Variants in ITSN2 observed in about 807,000 individuals in gnomAD.
The protein encoded by ITSN2 is intersectin-2.
ITSN2 carries 156 observed loss-of-function variants against 243.7 expected under a neutral mutation model. The ratio of observed to expected loss-of-function variants is 0.64; its 90% confidence interval spans 0.56 to 0.73. The LOEUF is 0.73. Among genes scored for constraint, ITSN2 ranks in the 30% least tolerant of loss-of-function variants. ITSN2 has a pLI of 0.00. For missense variants in ITSN2, 1,801 were observed against 1,996.1 expected (o/e 0.90, Z 1.86); for synonymous variants, 703 against 699.9 (o/e 1.00, Z -0.07).
At chr2:24,261,975 T>G (rs1558511473) in intron 20 of ITSN2, among the ~76,000 whole-genome samples, 1 of 202 alleles carries the variant, frequency 5.0e-3, no homozygotes, top group African/African-American at 0.017. Flanking sequence ...CAAATAGCAT[T>G]CATTATATAT....
rs1405724704 is a variant in ITSN2 at position 24,275,852 on chromosome 2, A to C, written c.1945-3T>G. 1 of 1,586,120 alleles carries C rather than the reference A, an allele frequency of 6.3e-7. No homozygotes were observed. The highest frequency in any genetic ancestry group is 1.7e-4 in the Middle Eastern group (1 of 5,972). On this transcript the variant is annotated splice_polypyrimidine_tract_variant and splice_region_variant and intron_variant, in intron 17 of 39. Transcript: ENST00000355123. ...GTGTTGTAGGTTTCTCTCAGTTCCT[A>C]AGGAGAAAAAGAAAATAAGTCAATA...
At chr2:24,337,479 T>C (rs1336256508) in intron 1 of ITSN2, among the ~76,000 whole-genome samples, 1 of 148,642 alleles carries the variant, frequency 6.7e-6, no homozygotes, top group Admixed American at 6.7e-5. Flanking sequence ...GCCTCCCAAG[T>C]AGCTGGGATT....
At chr2:24,254,309 GTAGT>G in intron 24 of ITSN2, 54 bp downstream of exon 24, 1 of 1,068,688 alleles carries the variant, frequency 9.4e-7, no homozygotes, top group African/African-American at 1.5e-5. Flanking sequence ...GTGAAGTCAG[GTAGT>G]TAGTCAAGAG....
At chr2:24,254,499 G>A in intron 23 of ITSN2, 68 bp from the exon 24 acceptor site, 3 of 1,279,862 alleles carry the variant, frequency 2.3e-6, no homozygotes, top group Non-Finnish European at 1.1e-6. Context: ...AAGGTGATTT[G>A]ATGCACAGCA....
intron 29 of ITSN2, among the ~76,000 whole-genome samples, chr2:24,226,898 G>A (rs1353385015): frequency 6.6e-6 from 1 of 152,142 alleles, no homozygotes; most frequent in Non-Finnish European, 1.5e-5. Flanking sequence ...AGCCTCCTCT[G>A]TTATTTTACT....
At chr2:24,339,850 G>A (rs764794821) in intron 1 of ITSN2, among the ~76,000 whole-genome samples, 9 of 152,024 alleles carry the variant, frequency 5.9e-5, no homozygotes, top group Non-Finnish European at 1.3e-4. Context: ...AACACAGGGA[G>A]ACTCTTTCTC....
rs1052648399 is a variant in ITSN2 at position 24,211,529 on chromosome 2, C to T, written c.4090-582G>A. On this transcript the variant is annotated intron_variant, in intron 33 of 39. Transcript: ENST00000355123. This position sits in a 1 kb window ranked among gnomAD's most constrained non-coding sequence, Gnocchi z 4.1. ...GAACGCGCAGAGGCCAGAATACAAA[C>T]GTGTGTGGTCCCTCCAGAAATTAGG... Among the ~76,000 whole-genome samples, 6 of 152,218 alleles carry T rather than the reference C, an allele frequency of 3.9e-5. No individual in the cohort carries two copies. Among genetic ancestry groups the T allele is most frequent in the Admixed American group, 2.6e-4 (4 of 15,284 alleles).
In ITSN2 at chr2:24,248,674, T is replaced by C; in HGVS notation, c.3243A>G (p.Leu1081=). Residue 1081 remains leucine, a synonymous_variant, in exon 27 of 40, where the codon TTA becomes TTG. Transcript: ENST00000355123. ...QLSLAPGQLI[L]ILKKNTSGWW... ...ACCCACTTGTATTTTTCTTTAGAAT[T>C]AATATTAACTGTCCTGGTGCAAGGC... 6.2e-7 allele frequency: 1 copy of C among 1,611,618 alleles called. No individual in the cohort carries two copies. The highest frequency in any genetic ancestry group is 1.3e-5 in the African/African-American group (1 of 74,972).
chr2:24,332,357 G>GA (rs372654408), intron 1 of ITSN2, among the ~76,000 whole-genome samples: 22 of 143,004 alleles, frequency 1.5e-4, no homozygotes, highest in South Asian at 2.2e-4. Flanking sequence ...TTTGGCTTGG[G>GA]AAAAAAAAAA....
rs1311118726 is a variant in ITSN2, at chr2:24,249,935, T to TA, written c.3121-1054dup. Among the ~76,000 whole-genome samples, 1 of 152,198 alleles carries TA rather than the reference T, an allele frequency of 6.6e-6. No homozygotes were observed. Among genetic ancestry groups the TA allele is most frequent in the Non-Finnish European group, 1.5e-5 (1 of 68,028 alleles). On this transcript the variant is annotated intron_variant, in intron 25 of 39. Transcript: ENST00000355123. The surrounding 1 kb of genome is among the most constrained non-coding windows in gnomAD (Gnocchi z 4.4). ...CTGTGTTGACATTTACAGTGGTGGG[T>TA]AAAATCATTGGTGCTTTAGTGTGAA...
chr2:24,303,867 T>C lies in ITSN2; in HGVS notation c.794-5A>G. ...GGGCATTTCTAGCTTGAAAACCTGA[T>C]TAAGTGGGGAAAATCATAAAGGAAT... is the stretch of plus-strand genomic sequence containing the variant. On this transcript the variant is annotated splice_polypyrimidine_tract_variant and splice_region_variant and intron_variant, in intron 8 of 39. Transcript: ENST00000355123. 6.3e-7 allele frequency: 1 copy of C among 1,587,982 alleles called. No homozygotes were observed. Among genetic ancestry groups the C allele is most frequent in the Non-Finnish European group, 8.6e-7 (1 of 1,156,216 alleles).
intron 1 of ITSN2, among the ~76,000 whole-genome samples, chr2:24,346,813 A>T (rs762473877): frequency 2.6e-5 from 4 of 151,784 alleles, no homozygotes; most frequent in African/African-American, 4.8e-5. Context: ...AATTTTGACC[A>T]CATTCATTAA....
intron 37 of ITSN2, 80 bp from the exon 38 acceptor site, chr2:24,205,377 C>G: frequency 8.3e-7 from 1 of 1,199,826 alleles, no homozygotes; most frequent in Non-Finnish European, 1.2e-6. Context: ...CATAACACTA[C>G]CGGCTCCCTG....
intron 15 of ITSN2, among the ~76,000 whole-genome samples, chr2:24,292,336 C>T (rs1237777173): frequency 6.6e-5 from 10 of 152,178 alleles, no homozygotes; most frequent in African/African-American, 2.4e-4. Context: ...ACAATGATGA[C>T]AATAATAAAG....
At chr2:24,206,658 G>A (rs1003176657) in intron 37 of ITSN2, among the ~76,000 whole-genome samples, 8 of 152,278 alleles carry the variant, frequency 5.3e-5, no homozygotes, top group South Asian at 2.1e-4. Flanking sequence ...GGACATCACC[G>A]GTGCAACAAA....
intron 24 of ITSN2, among the ~76,000 whole-genome samples, chr2:24,253,612 G>A (rs186328487): frequency 3.3e-5 from 5 of 152,260 alleles, no homozygotes; most frequent in Non-Finnish European, 5.9e-5. Context: ...GGTTTTGTTC[G>A]CTCATTAAAG....
Position 24,331,943 on chromosome 2 carries a change from G to C in ITSN2, c.-33-3828C>G, listed in dbSNP as rs555424971. On this transcript the variant is annotated intron_variant, in intron 1 of 39. Transcript: ENST00000355123. ...GGGTTTTAGAGTGGCTTTCAAGAAG[G>C]GAGTTTGAAAGTTGTTGTGGCCAGG... Among the ~76,000 whole-genome samples, 6 of 152,264 alleles carry C rather than the reference G, an allele frequency of 3.9e-5. No individual in the cohort carries two copies. The East Asian group carries it at 1.2e-3, about 29-fold the overall frequency.
In ITSN2 at chr2:24,264,636, GAA is replaced by G. The variant is rs1241818773; in HGVS notation, c.2356-2896_2356-2895del. Among the ~76,000 whole-genome samples the G allele has an allele frequency of 5.0e-3, 18 of 3,626 alleles. No homozygotes were observed. The East Asian group carries it at 0.25, about 50-fold the overall frequency. The allele number at this position is 3,626 out of a possible 152,430, so 2.4% of individuals were successfully genotyped here. On this transcript the variant is annotated intron_variant, in intron 20 of 39. Transcript: ENST00000355123. ...ATCCATTGTTCCAATACCATTTGCT[GAA>G]AAGACTGTTCTTTTTCCACTGAGTT...
At chr2:24,315,306 G>A in intron 2 of ITSN2, 82 bp from the exon 3 acceptor site, 1 of 765,678 alleles carries the variant, frequency 1.3e-6, no homozygotes, top group South Asian at 1.7e-5. Context: ...GAAATCACAA[G>A]TGTTCATTGT....
Sources: allele counts gnomAD v4.1 joint callset (sites outside exome capture counted in the v4.1 genomes callset), GRCh38; gene constraint gnomAD v4.1.1; non-coding constraint Gnocchi (gnomAD v3.1); transcripts MANE v1.5; gene names NCBI Gene and HGNC (gene_info 2026-07-23, HGNC 2026-07-21).